Variants in KHDC1 observed in about 807,000 individuals in gnomAD.
The protein encoded by KHDC1 is KH domain containing 1, also known as KH homology domain-containing protein 1.
KHDC1 carries 21 observed loss-of-function variants against 24.7 expected under a neutral mutation model. That is an observed-to-expected ratio of 0.85 (90% CI 0.60 to 1.23). The LOEUF is 1.23. Ranked by LOEUF, KHDC1 falls within the 50% of genes most tolerant of loss-of-function variation. KHDC1 has a pLI of 0.00. For synonymous variants in KHDC1, 98 were observed against 111.7 expected, an observed-to-expected ratio of 0.88 and a Z score of 0.77; for missense variants, 274 against 298.5, an observed-to-expected ratio of 0.92 and a Z score of 0.61.
intron 2 of KHDC1, among the ~76,000 whole-genome samples, chr6:73,260,249 T>A (rs1376859900): frequency 6.6e-6 from 1 of 152,148 alleles, no homozygotes; most frequent in Admixed American, 6.5e-5. Flanking sequence ...TTGAAATCAT[T>A]CTATCAAGAT....
intron 2 of KHDC1, among the ~76,000 whole-genome samples, chr6:73,255,639 T>TG (rs1766867114): frequency 6.8e-6 from 1 of 147,690 alleles, no homozygotes; most frequent in African/African-American, 2.5e-5. Context: ...TGGTGGCTCA[T>TG]GCCTGTAATC....
At chr6:73,248,445 T>C (rs2150554211) in intron 2 of KHDC1, among the ~76,000 whole-genome samples, 1 of 152,090 alleles carries the variant, frequency 6.6e-6, no homozygotes, top group South Asian at 2.1e-4. Context: ...CCCTCCTTCC[T>C]CTCTCCCTCC....
chr6:73,242,064 G>A, exon 4 of KHDC1: 2 of 1,612,266 alleles, frequency 1.2e-6, no homozygotes, highest in Non-Finnish European at 1.7e-6. Context: ...CCTCGAGCAT[G>A]ATGATAGGAG....
At chr6:73,245,172 G>C (rs975448866) in intron 2 of KHDC1, among the ~76,000 whole-genome samples, 2 of 152,068 alleles carry the variant, frequency 1.3e-5, no homozygotes, top group African/African-American at 4.8e-5. Flanking sequence ...TTATTGTCTC[G>C]GGTGAAGTAT....
intron 2 of KHDC1, 127 bp downstream of exon 1, chr6:73,262,647 T>TTC: frequency 1.4e-6 from 1 of 729,794 alleles, no homozygotes; most frequent in Non-Finnish European, 1.7e-6. Context: ...GTTTTAATTT[T>TTC]TCTCTTTATA....
chr6:73,257,570 T>G (rs1042608289), intron 2 of KHDC1, among the ~76,000 whole-genome samples: 2 of 152,042 alleles, frequency 1.3e-5, no homozygotes, highest in East Asian at 2.0e-4. Flanking sequence ...GGCTAATTTT[T>G]GTATTTTTAG....
chr6:73,241,570 T>A, exon 5 of KHDC1: 1 of 1,614,062 alleles, frequency 6.2e-7, no homozygotes, highest in Non-Finnish European at 8.5e-7. Flanking sequence ...GAACAACCAA[T>A]CACTTGGTAA....
chr6:73,244,280 T>C (rs576002725), intron 2 of KHDC1, among the ~76,000 whole-genome samples: 1 of 152,296 alleles, frequency 6.6e-6, no homozygotes, highest in South Asian at 2.1e-4. Context: ...GGTGTATAAG[T>C]GTCATTTACC....
At chr6:73,287,673 T>C (rs1767549302) in intron 2 of KHDC1, among the ~76,000 whole-genome samples, 1 of 152,074 alleles carries the variant, frequency 6.6e-6, no homozygotes, top group Admixed American at 6.6e-5. Flanking sequence ...TAATATACAC[T>C]GGGAAAAGAG....
chr6:73,266,658 G>A (rs1448757617), intron 2 of KHDC1, among the ~76,000 whole-genome samples: 1 of 152,190 alleles, frequency 6.6e-6, no homozygotes, highest in Non-Finnish European at 1.5e-5. Flanking sequence ...AAAACTGTTA[G>A]AAGAAAACAC....
exon 5 of KHDC1, chr6:73,241,686 T>C (rs1056613087): frequency 5.6e-6 from 9 of 1,614,050 alleles, no homozygotes; most frequent in East Asian, 2.2e-5. Flanking sequence ...CAGGTCATCG[T>C]TGGTCAGAGG....
chr6:73,306,513 G>A (rs7754533), intron 1 of KHDC1, among the ~76,000 whole-genome samples: 14,552 of 152,124 alleles, frequency 0.096, 782 homozygotes, highest in East Asian at 0.19. Flanking sequence ...CCTGGTTTCT[G>A]AGAATCTCAC....
At chr6:73,298,582 C>A (rs1358364779) in intron 1 of KHDC1, among the ~76,000 whole-genome samples, 1 of 150,438 alleles carries the variant, frequency 6.6e-6, no homozygotes, top group Non-Finnish European at 1.5e-5. Flanking sequence ...ATTACAGGCA[C>A]CCGCCACCAC....
intron 2 of KHDC1, 76 bp from the exon 1 acceptor site, chr6:73,263,272 A>T: frequency 1.0e-6 from 1 of 985,718 alleles, no homozygotes; most frequent in Non-Finnish European, 1.2e-6. Flanking sequence ...TGCTCTGTGT[A>T]GGAGACAGCC....
chr6:73,306,420 A>G lies in KHDC1; in HGVS notation c.163+3132T>C, dbSNP rs577444281. ...AAAAATTACCCAGGTTTTCCCATCCAGGAGCATCAGTTCTGCTTACTAAAA... is the reference window on the plus strand; with the variant it reads ...AAAAATTACCCAGGTTTTCCCATCCGGGAGCATCAGTTCTGCTTACTAAAA... On this transcript the variant is annotated intron_variant, in intron 1 of 4. Transcript: ENST00000370384. 2.6e-5 allele frequency among the ~76,000 whole-genome samples: 4 copies of G among 152,260 alleles called. No homozygotes were observed. The East Asian group carries it at 7.7e-4, about 29-fold the overall frequency.
intron 2 of KHDC1, 39 bp downstream of exon 1, chr6:73,262,735 A>T (rs1386037174): frequency 1.0e-6 from 1 of 985,226 alleles, no homozygotes; most frequent in East Asian, 1.1e-4. Context: ...CTTAGGATGA[A>T]CTTAGTAAGA....
intron 2 of KHDC1, 79 bp from the exon 1 acceptor site, chr6:73,263,275 A>T: frequency 1.0e-6 from 1 of 985,608 alleles, no homozygotes; most frequent in South Asian, 4.7e-5. Flanking sequence ...TCTGTGTAGG[A>T]GACAGCCTGC....
chr6:73,257,063 CA>C (rs1766891720), intron 2 of KHDC1, among the ~76,000 whole-genome samples: 1 of 152,126 alleles, frequency 6.6e-6, no homozygotes. Context: ...GAGGCTGAGG[CA>C]GGCAGACAGC....
rs1174999697 is a variant in KHDC1 at position 73,285,269 on chromosome 6, CAG to C, written c.206+6727_206+6728del. On this transcript the variant is annotated intron_variant, in intron 2 of 4. Coordinates refer to ENST00000370384, the Ensembl canonical transcript of KHDC1. The stretch of plus-strand genomic sequence containing the variant: ...TTGGCAAAAATTCCACCAGTCCTAC[CAG>C]AGACCGCAGGTTGACTCTGCTGATT... Among the ~76,000 whole-genome samples, 3 of 152,004 alleles carry C rather than the reference CAG, an allele frequency of 2.0e-5. No homozygotes were observed. In the East Asian group the frequency reaches 5.8e-4, roughly 29 times the overall value.
Sources: gnomAD v4.1 joint callset for allele counts (sites outside exome capture counted in the v4.1 genomes callset) on GRCh38, gnomAD v4.1.1 for gene constraint, MANE v1.5 for transcripts, NCBI Gene and HGNC (gene_info 2026-07-23, HGNC 2026-07-21) for gene names.